The following FAM117B variants were observed in gnomAD, a reference collection of about 807,000 sequenced individuals.
FAM117B encodes protein FAM117B.
A neutral mutation model predicts 52.8 loss-of-function variants in FAM117B; 22 were observed. The observed-to-expected ratio is 0.42, with a 90% confidence interval of 0.30 to 0.59. The LOEUF (loss-of-function observed/expected upper bound fraction) is 0.59. Ranked by LOEUF, FAM117B falls within the 20% of genes least tolerant of loss-of-function variation. The probability of loss-of-function intolerance (pLI) is 0.22; values close to 1 mark genes in which losing one functional copy is unlikely to be tolerated. For synonymous variants in FAM117B, 309 were observed against 324.1 expected (o/e 0.95, Z 0.50); for missense variants, 678 against 802.6 (o/e 0.84, Z 1.88).
chr2:202,746,957 ACAAAACAAAAAAAAAC>A (rs1483275653), intron 4 of FAM117B, among the ~76,000 whole-genome samples: 92 of 100,474 alleles, frequency 9.2e-4, no homozygotes, highest in African/African-American at 3.0e-3. Context: ...GGAAAAAAAA[ACAAAACAAAAAAAAAC>A]ACAAAAACCC....
At chr2:202,740,432 G>A (rs1307771260) in intron 4 of FAM117B, among the ~76,000 whole-genome samples, 1 of 151,270 alleles carries the variant, frequency 6.6e-6, no homozygotes, top group Non-Finnish European at 1.5e-5. Context: ...ATCTAATATG[G>A]CACTTTTTAA....
chr2:202,665,124 C>T (rs1474019412), intron 1 of FAM117B, among the ~76,000 whole-genome samples: 1 of 151,918 alleles, frequency 6.6e-6, no homozygotes, highest in South Asian at 2.1e-4. Context: ...CTTTAGGGGT[C>T]ACTCTCAGCT....
At chr2:202,660,543 C>T (rs550569169) in intron 1 of FAM117B, among the ~76,000 whole-genome samples, 3 of 152,272 alleles carry the variant, frequency 2.0e-5, no homozygotes, top group Non-Finnish European at 4.4e-5. Context: ...TCAGTTCATA[C>T]ATGCACAGCC....
In FAM117B at chr2:202,695,947, C is replaced by T. The variant is rs1690703964; in HGVS notation, c.668C>T (p.Thr223Ile). 6.2e-7 allele frequency: 1 copy of T among 1,613,992 alleles called. No homozygotes were observed. The highest frequency in any genetic ancestry group is 8.5e-7 in the Non-Finnish European group (1 of 1,179,996). ...ATCCGACGCACTTCCTCCCTGGATACTCTTGCTGCACCGTATCTTGCTGGA... is the reference window on the plus strand; with the variant it reads ...ATCCGACGCACTTCCTCCCTGGATATTCTTGCTGCACCGTATCTTGCTGGA... ...SIIRRTSSLD[T>I]LAAPYLAGHW... The change falls in exon 2 of 8, where the codon ACT becomes ATT. Residue 223 changes from threonine (T) to isoleucine (I), a missense_variant. By Grantham distance (89) the Thr-to-Ile change is moderately conservative. Transcript: ENST00000392238.
rs759640312 is a variant in FAM117B at position 202,765,634 on chromosome 2, T to G, written c.1640T>G (p.Leu547Arg). 1 of 1,614,196 alleles carries G rather than the reference T, an allele frequency of 6.2e-7. No individual in the cohort carries two copies. Among genetic ancestry groups the G allele is most frequent in the South Asian group, 1.1e-5 (1 of 91,080 alleles). The stretch of plus-strand genomic sequence containing the variant: ...ACCACTGGCATGACAACCACTCTGC[T>G]GCAGCCTATTGCTGTGGCCTCCCTG... ...TVTTGMTTTLLQPIAVASLST... is the reference protein window; with the variant it reads ...TVTTGMTTTLRQPIAVASLST... The change falls in exon 8 of 8, where the codon CTG (leucine) becomes CGG (arginine). Residue 547 changes from leucine to arginine, a missense_variant. Leu to Arg is a moderately radical substitution (Grantham distance 102). This residue lies in a region of FAM117B where 68 missense variants were observed against 80.6 expected (regional missense o/e 0.84). Transcript: ENST00000392238.
intron 1 of FAM117B, among the ~76,000 whole-genome samples, chr2:202,673,843 A>G (rs539236087): frequency 6.6e-6 from 1 of 152,294 alleles, no homozygotes; most frequent in Non-Finnish European, 1.5e-5. Context: ...TTTGTGCCTC[A>G]GAATATCCAG....
rs368289563 is a variant in FAM117B at position 202,755,593 on chromosome 2, G to C, written c.1016G>C (p.Gly339Ala). 1 of 1,613,968 alleles carries C rather than the reference G, an allele frequency of 6.2e-7. No individual in the cohort carries two copies. Among genetic ancestry groups the C allele is most frequent in the Non-Finnish European group, 8.5e-7 (1 of 1,180,000 alleles). The change falls in exon 5 of 8, where the codon GGC becomes GCC. Residue 339 changes from glycine to alanine, a missense_variant. Gly to Ala is a moderately conservative substitution (Grantham distance 60, BLOSUM62 0). Around this residue, in one of 3 missense-constraint regions of FAM117B, gnomAD observed 583 missense variants for 644.8 expected, o/e 0.90. Coordinates refer to ENST00000392238, the MANE Select transcript of FAM117B (RefSeq NM_173511.4). ...GTAATTCCCATCACCAAATCAACAG[G>C]CTCCCGGTTCCGGAATAGCGTGGAA... ...IPVIPITKST[G>A]SRFRNSVEGL...
chr2:202,760,545 C>G (rs993617349), intron 7 of FAM117B, among the ~76,000 whole-genome samples: 2 of 152,126 alleles, frequency 1.3e-5, no homozygotes, highest in African/African-American at 4.8e-5. Context: ...AAGGCAGTGT[C>G]TTGTCAGGGA....
chr2:202,745,609 A>G (rs1195044231), intron 4 of FAM117B, among the ~76,000 whole-genome samples: 3 of 152,376 alleles, frequency 2.0e-5, no homozygotes, highest in East Asian at 1.9e-4. Context: ...TTACCTATCA[A>G]CAACAACCTT....
chr2:202,651,060 CTTTTTTT>C (rs138809054), intron 1 of FAM117B, among the ~76,000 whole-genome samples: 4 of 124,218 alleles, frequency 3.2e-5, no homozygotes, highest in Admixed American at 8.2e-5. Context: ...ATTTGCCATT[CTTTTTTT>C]TTTTTTTTTT....
At chr2:202,749,940 G>A (rs898922644) in intron 4 of FAM117B, among the ~76,000 whole-genome samples, 3 of 152,072 alleles carry the variant, frequency 2.0e-5, no homozygotes, top group Middle Eastern at 3.2e-3. Context: ...AAAATTAAAG[G>A]TGAGTGTATT....
chr2:202,743,306 AATC>A (rs1691578136), intron 4 of FAM117B, among the ~76,000 whole-genome samples: 1 of 152,182 alleles, frequency 6.6e-6, no homozygotes, highest in African/African-American at 2.4e-5. Flanking sequence ...TGGCCAAAGA[AATC>A]ATATAGAGAC....
chr2:202,718,527 G>A (rs774450059), intron 2 of FAM117B, among the ~76,000 whole-genome samples: 31 of 151,882 alleles, frequency 2.0e-4, no homozygotes, highest in Non-Finnish European at 3.4e-4. Context: ...TTATTGAATC[G>A]TCTGTGCATC....
chr2:202,719,104 C>G (rs1014411822), intron 2 of FAM117B, among the ~76,000 whole-genome samples: 1 of 152,058 alleles, frequency 6.6e-6, no homozygotes, highest in Non-Finnish European at 1.5e-5. Context: ...TTATTAATAC[C>G]TAAGTGTCCT....
Position 202,686,377 on chromosome 2 carries a change from T to TA in FAM117B, c.602-9503dup, listed in dbSNP as rs765131779. On this transcript the variant is annotated intron_variant, in intron 1 of 7. Transcript: ENST00000392238. The stretch of plus-strand genomic sequence containing the variant: ...TGGCAGTTTCTTATAAAGGGAGACT[T>TA]ACACTTGTCCTAAGATCCAGCATTT... Among the ~76,000 whole-genome samples the TA allele has an allele frequency of 3.3e-5, 5 of 152,240 alleles. 1 individual carries two copies. The highest frequency in any genetic ancestry group is 7.3e-5 in the Non-Finnish European group (5 of 68,036).
chr2:202,693,303 T>C (rs991657455), intron 1 of FAM117B, among the ~76,000 whole-genome samples: 1 of 151,762 alleles, frequency 6.6e-6, no homozygotes, highest in East Asian at 1.9e-4. Context: ...TTTTCCAGAT[T>C]TAAAAAATAA....
At chr2:202,661,372 G>A (rs1559096661) in intron 1 of FAM117B, among the ~76,000 whole-genome samples, 1 of 152,086 alleles carries the variant, frequency 6.6e-6, no homozygotes, top group African/African-American at 2.4e-5. Flanking sequence ...TGTAAAAATA[G>A]GAAAACAATT....
chr2:202,640,630 TG>T (rs1003679666), intron 1 of FAM117B, among the ~76,000 whole-genome samples: 1 of 151,788 alleles, frequency 6.6e-6, no homozygotes, highest in Non-Finnish European at 1.5e-5. Context: ...TTTTTTTTTT[TG>T]GAGACTGGGT....
intron 1 of FAM117B, among the ~76,000 whole-genome samples, chr2:202,670,479 G>T (rs149336822): frequency 6.6e-6 from 1 of 151,822 alleles, no homozygotes; most frequent in African/African-American, 2.4e-5. Context: ...TAGAGACGGG[G>T]TTTCATGAAA....
Sources: allele counts gnomAD v4.1 joint callset (sites outside exome capture counted in the v4.1 genomes callset), GRCh38; gene constraint gnomAD v4.1.1; regional missense constraint gnomAD v4.1.1; transcripts MANE v1.5; gene names NCBI Gene and HGNC (gene_info 2026-07-23, HGNC 2026-07-21).